ITPRIP: variants seen among roughly 807,000 people sequenced by gnomAD.
The protein encoded by ITPRIP is inositol 1,4,5-trisphosphate receptor-interacting protein.
In ITPRIP, 32 loss-of-function variants were observed where a neutral mutation model predicts 35.8. The ratio of observed to expected loss-of-function variants is 0.89; its 90% CI spans 0.68 to 1.20. ITPRIP has a LOEUF of 1.20. Among genes scored for constraint, ITPRIP ranks in the 50% most tolerant of loss-of-function variants. ITPRIP has a pLI of 0.00. For synonymous variants in ITPRIP, 358 were observed against 324.0 expected, an observed-to-expected ratio of 1.11 and a Z score of -1.13; for missense variants, 653 against 735.6, an observed-to-expected ratio of 0.89 and a Z score of 1.30.
At chr10:104,338,029 C>A (rs1449860416) in intron 1 of ITPRIP, among the ~76,000 whole-genome samples, 1 of 152,140 alleles carries the variant, frequency 6.6e-6, no homozygotes, top group Non-Finnish European at 1.5e-5. Context: ...GAACAGGATG[C>A]GGGACCGCGA....
chr10:104,325,727 G>A (rs147294438), intron 1 of ITPRIP, among the ~76,000 whole-genome samples: 13 of 152,292 alleles, frequency 8.5e-5, no homozygotes, highest in South Asian at 4.1e-4. Context: ...TCCAGCCAGC[G>A]TGTGCACACG....
Position 104,315,178 on chromosome 10 carries a change from A to C in ITPRIP, c.874T>G (p.Ser292Ala), listed in dbSNP as rs552155788. The C allele has an allele frequency of 1.9e-6, 3 of 1,614,076 alleles. No homozygotes were observed. The highest frequency in any genetic ancestry group is 2.2e-5 in the South Asian group (2 of 91,082). The change falls in exon 2 of 2, where the codon TCC becomes GCC. Residue 292 changes from serine to alanine, a missense_variant. Transcript: ENST00000337478. This position sits in a 1 kb window ranked among gnomAD's most constrained non-coding sequence, Gnocchi z 5.7. ...ACCTGCATCGTGTCCAGGTACAGGGAATCTGTGGCACACAGCAGGTTCTCC... is the reference window on the plus strand; with the variant it reads ...ACCTGCATCGTGTCCAGGTACAGGGCATCTGTGGCACACAGCAGGTTCTCC... ...DMENLLCATD[S>A]LYLDTMQVMK...
In ITPRIP at chr10:104,310,961, G is replaced by C. The variant is rs1381332607; in HGVS notation, c.*3447C>G. The C allele has an allele frequency of 6.6e-6, 1 of 152,264 alleles. No individual in the cohort carries two copies. Among genetic ancestry groups the C allele is most frequent in the Non-Finnish European group, 1.5e-5 (1 of 68,078 alleles). 9.4% of individuals were successfully genotyped at this position (152,264 alleles called of 1,614,324 possible). ...CCCCCAGGTGACACCCGTATGTGTA[G>C]TGCAGGGTCACACTTGGAATAGCTC... On this transcript the variant is annotated 3_prime_UTR_variant, in exon 2 of 2. Coordinates refer to ENST00000337478, the MANE Select transcript of ITPRIP (RefSeq NM_001272013.2).
chr10:104,330,204 A>C (rs894884851), intron 1 of ITPRIP, among the ~76,000 whole-genome samples: 1 of 152,208 alleles, frequency 6.6e-6, no homozygotes, highest in Non-Finnish European at 1.5e-5. Flanking sequence ...TGGAGTTAGG[A>C]TTGGGAAAAG....
Position 104,328,388 on chromosome 10 carries a change from G to A in ITPRIP, c.-14+9858C>T, listed in dbSNP as rs185870905. The A allele has an allele frequency of 4.9e-6, 3 of 609,948 alleles. No homozygotes were observed. The highest frequency in any genetic ancestry group is 2.2e-5 in the African/African-American group (1 of 44,860). The allele number at this position is 609,948 out of a possible 1,614,324, so 37.8% of individuals were successfully genotyped here. On this transcript the variant is annotated intron_variant, in intron 1 of 1. Transcript: ENST00000337478. The surrounding 1 kb of genome is among the most constrained non-coding windows in gnomAD (Gnocchi z 4.1). ...GGACATGCCAGAGTTCCCAAGAGTC[G>A]TCCCCTTTCTCTCTCTCCACCCCAT...
chr10:104,317,571 C>G (rs538451547), intron 1 of ITPRIP, among the ~76,000 whole-genome samples: 1 of 152,302 alleles, frequency 6.6e-6, no homozygotes, highest in African/African-American at 2.4e-5. Flanking sequence ...CTTGAACTAC[C>G]CCCCTCCTTG....
At chr10:104,335,348 A>G (rs1443649488) in intron 1 of ITPRIP, among the ~76,000 whole-genome samples, 2 of 152,316 alleles carry the variant, frequency 1.3e-5, no homozygotes, top group Non-Finnish European at 2.9e-5. Context: ...AGGAAGCAAG[A>G]GACCACAGAT....
In ITPRIP at chr10:104,314,675, G is replaced by A. The variant is rs768281709; in HGVS notation, c.1377C>T (p.His459=). Residue 459 remains histidine (H), a synonymous_variant, in exon 2 of 2, where the codon CAC becomes CAT. Coordinates refer to ENST00000337478, the MANE Select transcript of ITPRIP (RefSeq NM_001272013.2). The part of the protein sequence containing the change: ...WKAGQLDARL[H]ELLCFLEKSL... ...TCTTCTCCAGGAAGCACAGCAACTCGTGCAGACGAGCGTCCAGCTGCCCCG... is the reference window on the plus strand; with the variant it reads ...TCTTCTCCAGGAAGCACAGCAACTCATGCAGACGAGCGTCCAGCTGCCCCG... 41 of 1,613,768 alleles carry A rather than the reference G, an allele frequency of 2.5e-5. No homozygotes were observed. Among genetic ancestry groups the A allele is most frequent in the East Asian group, 1.1e-4 (5 of 44,892 alleles).
At position 104,315,885 on chromosome 10, in the gene ITPRIP, T is replaced by C. The variant is rs2013664903; in HGVS notation, c.167A>G (p.Glu56Gly). ...GGCCGCCAGCCGAGCCACCTCCTCC[T>C]CCAGGCGCAACTGCTCCAGCTGCAG... ...EKLQLEQLRL[E>G]EEVARLAAEK... Residue 56 changes from glutamate to glycine, a missense_variant, in exon 2 of 2, where the codon GAG becomes GGG. By Grantham distance (98) the Glu-to-Gly change is moderately conservative (BLOSUM62 -2). Coordinates refer to ENST00000337478, the MANE Select transcript of ITPRIP (RefSeq NM_001272013.2). This position sits in a 1 kb window ranked among gnomAD's most constrained non-coding sequence, Gnocchi z 5.7. 1 of 1,613,546 alleles carries C rather than the reference T, an allele frequency of 6.2e-7. No homozygotes were observed. Among genetic ancestry groups the C allele is most frequent in the African/African-American group, 1.3e-5 (1 of 74,914 alleles).
intron 1 of ITPRIP, among the ~76,000 whole-genome samples, chr10:104,324,536 G>A (rs1052091691): frequency 6.6e-6 from 1 of 152,144 alleles, no homozygotes; most frequent in Non-Finnish European, 1.5e-5. Context: ...CCCTGACCCC[G>A]TCCAGTCATC....
chr10:104,336,158 G>C (rs1286654840), intron 1 of ITPRIP, among the ~76,000 whole-genome samples: 1 of 152,196 alleles, frequency 6.6e-6, no homozygotes, highest in Non-Finnish European at 1.5e-5. Flanking sequence ...TGCCAAGACA[G>C]AGCACCTTAT....
At chr10:104,335,906 G>A (rs1183023265) in intron 1 of ITPRIP, among the ~76,000 whole-genome samples, 1 of 151,240 alleles carries the variant, frequency 6.6e-6, no homozygotes, top group Non-Finnish European at 1.5e-5. Flanking sequence ...GATTAAATGA[G>A]TTAATACAGG....
chr10:104,321,886 T>C (rs1389599707), intron 1 of ITPRIP, among the ~76,000 whole-genome samples: 5 of 152,030 alleles, frequency 3.3e-5, no homozygotes, highest in Non-Finnish European at 5.9e-5. Flanking sequence ...CTCAAGTTTT[T>C]CCACTGTGCT....
chr10:104,310,051 G>A lies in ITPRIP; in HGVS notation c.*4357C>T, dbSNP rs2013447568. The A allele has an allele frequency of 6.6e-6, 1 of 152,210 alleles. No individual in the cohort carries two copies. Among genetic ancestry groups the A allele is most frequent in the Admixed American group, 6.5e-5 (1 of 15,280 alleles). 9.4% of individuals were successfully genotyped at this position (152,210 alleles called of 1,614,324 possible). On this transcript the variant is annotated 3_prime_UTR_variant, in exon 2 of 2. Transcript: ENST00000337478. ...CAAGGCAGAGTGGGGCGGAGAGGGA[G>A]GGCCCTGTTGAAGGCACACATTGCC...
rs1054649000 is a variant in ITPRIP, at chr10:104,310,500, A to G, written c.*3908T>C. On this transcript the variant is annotated 3_prime_UTR_variant, in exon 2 of 2. Coordinates refer to ENST00000337478, the MANE Select transcript of ITPRIP (RefSeq NM_001272013.2). Reference sequence around the variant, plus strand: ...TGCTACGACTTCTCAGTATATGCCAACATGTACACCAGGACTGCCTGGGTT... The same window carrying G: ...TGCTACGACTTCTCAGTATATGCCAGCATGTACACCAGGACTGCCTGGGTT... 3.9e-5 allele frequency: 6 copies of G among 152,162 alleles called. No homozygotes were observed. Among genetic ancestry groups the G allele is most frequent in the African/African-American group, 1.4e-4 (6 of 41,416 alleles). The allele number at this position is 152,162 out of a possible 1,614,324, so 9.4% of individuals were successfully genotyped here.
In ITPRIP at chr10:104,312,849, G is replaced by T; in HGVS notation, c.*1559C>A. ...TTGGTTATGCTCTCGGGAAGGCATG[G>T]CCGGCTTAAACCCTGGAGGAACACG... On this transcript the variant is annotated 3_prime_UTR_variant, in exon 2 of 2. Transcript: ENST00000337478. 2 of 985,456 alleles carry T rather than the reference G, an allele frequency of 2.0e-6. No individual in the cohort carries two copies. Among genetic ancestry groups the T allele is most frequent in the Non-Finnish European group, 2.4e-6 (2 of 829,962 alleles). 61.0% of individuals were successfully genotyped at this position (985,456 alleles called of 1,614,324 possible).
chr10:104,322,827 C>T lies in ITPRIP; in HGVS notation c.-13-6763G>A, dbSNP rs561423857. Reference sequence around the variant, plus strand: ...GAGGGCAGGGGAGGGCACTTTTAGCCGAGGCCTTGGGGGTGACTTGGGTCC... The same window carrying T: ...GAGGGCAGGGGAGGGCACTTTTAGCTGAGGCCTTGGGGGTGACTTGGGTCC... On this transcript the variant is annotated intron_variant, in intron 1 of 1. Coordinates refer to ENST00000337478, the MANE Select transcript of ITPRIP (RefSeq NM_001272013.2). 3.9e-5 allele frequency among the ~76,000 whole-genome samples: 6 copies of T among 152,136 alleles called. No homozygotes were observed. In the South Asian group the frequency reaches 1.0e-3, roughly 26 times the overall value.
chr10:104,329,943 C>T (rs778673786), intron 1 of ITPRIP, among the ~76,000 whole-genome samples: 4 of 152,176 alleles, frequency 2.6e-5, no homozygotes, highest in Non-Finnish European at 5.9e-5. Context: ...TGAACAACAT[C>T]CCTGCAGCTC....
intron 1 of ITPRIP, among the ~76,000 whole-genome samples, chr10:104,324,584 C>T (rs1237634233): frequency 6.6e-6 from 1 of 152,174 alleles, no homozygotes; most frequent in Non-Finnish European, 1.5e-5. Context: ...TCATGTTGGC[C>T]AACCCACCTC....
Sources: gnomAD v4.1 joint callset for allele counts (sites outside exome capture counted in the v4.1 genomes callset) on GRCh38, gnomAD v4.1.1 for gene constraint, Gnocchi (gnomAD v3.1) non-coding constraint, MANE v1.5 for transcripts, NCBI Gene and HGNC (gene_info 2026-07-23, HGNC 2026-07-21) for gene names.